The following RAD51B variants were observed in gnomAD, a reference collection of about 807,000 sequenced individuals.
The protein encoded by RAD51B is RAD51 paralog B.
A neutral mutation model predicts 42.2 loss-of-function variants in RAD51B; 38 were observed. The observed-to-expected ratio is 0.90, with a 90% CI of 0.70 to 1.18. RAD51B has a LOEUF of 1.18. Ranked by LOEUF, RAD51B falls within the 50% of genes most tolerant of loss-of-function variation. RAD51B has a pLI of 0.00. For missense variants in RAD51B, 373 were observed against 400.7 expected (o/e 0.93, Z 0.59); for synonymous variants, 154 against 145.2 (o/e 1.06, Z -0.43).
chr14:68,562,203 C>T, intron 10 of RAD51B: 1 of 985,428 alleles, frequency 1.0e-6, no homozygotes, highest in African/African-American at 1.7e-5. Context: ...AGTGACCCTG[C>T]CTCACCAGAC....
At chr14:68,674,308 C>T (rs1893259423) in intron 11 of RAD51B, among the ~76,000 whole-genome samples, 1 of 152,034 alleles carries the variant, frequency 6.6e-6, no homozygotes, top group South Asian at 2.1e-4. Flanking sequence ...ACGTGTTTTC[C>T]TCCTAATTAC....
At chr14:68,162,512 G>C (rs533942140) in intron 7 of RAD51B, among the ~76,000 whole-genome samples, 1 of 152,188 alleles carries the variant, frequency 6.6e-6, no homozygotes, top group African/African-American at 2.4e-5. Context: ...GCTGCCGGGC[G>C]TAGTGGCTCA....
At chr14:67,888,659 A>C (rs1171525886) in intron 7 of RAD51B, among the ~76,000 whole-genome samples, 1 of 152,160 alleles carries the variant, frequency 6.6e-6, no homozygotes, top group Non-Finnish European at 1.5e-5. Flanking sequence ...ACATGTACAG[A>C]CTTTTTTCTT....
At chr14:67,940,035 T>C (rs773230311) in intron 7 of RAD51B, among the ~76,000 whole-genome samples, 5,504 of 20,066 alleles carry the variant, frequency 0.27, 379 homozygotes, top group Non-Finnish European at 0.39. Flanking sequence ...TATATATATA[T>C]ATATATATAT....
intron 4 of RAD51B, among the ~76,000 whole-genome samples, chr14:67,836,487 C>CTTTT (rs61525158): frequency 1.4e-5 from 2 of 141,572 alleles, no homozygotes; most frequent in East Asian, 2.0e-4. Flanking sequence ...AAATTAGCCT[C>CTTTT]TTTTTTTTTT....
chr14:68,422,002 A>G (rs190064036), intron 9 of RAD51B: 143 of 1,525,528 alleles, frequency 9.4e-5, no homozygotes, highest in Middle Eastern at 3.4e-4. Flanking sequence ...CTTCACAGTC[A>G]CCACCCTGAC....
intron 2 of RAD51B, 101 bp downstream of exon 2, chr14:67,823,728 A>G (rs2040714281): frequency 3.4e-6 from 3 of 870,010 alleles, no homozygotes; most frequent in Non-Finnish European, 5.1e-6. Flanking sequence ...AGGCTTACAA[A>G]AAAAAGATAA....
intron 10 of RAD51B, among the ~76,000 whole-genome samples, chr14:68,626,998 T>G (rs2140119569): frequency 6.6e-6 from 1 of 152,290 alleles, no homozygotes; most frequent in Non-Finnish European, 1.5e-5. Flanking sequence ...AGGTACTTCT[T>G]CAAGTCCCAC....
chr14:68,405,342 G>C (rs565817545), intron 8 of RAD51B, among the ~76,000 whole-genome samples: 3 of 152,284 alleles, frequency 2.0e-5, no homozygotes, highest in African/African-American at 7.2e-5. Context: ...TACTCGGTAG[G>C]CTGAGGTGGG....
intron 7 of RAD51B, among the ~76,000 whole-genome samples, chr14:68,120,409 G>A (rs115368542): frequency 6.6e-6 from 1 of 152,058 alleles, no homozygotes; most frequent in Non-Finnish European, 1.5e-5. Flanking sequence ...AGTGGTTTAA[G>A]TTTCTAGCCC....
At chr14:68,304,349 G>A (rs925726131) in intron 8 of RAD51B, among the ~76,000 whole-genome samples, 14 of 152,154 alleles carry the variant, frequency 9.2e-5, no homozygotes, top group African/African-American at 3.1e-4. Context: ...ACTGAAGTAC[G>A]AAGTATTTCC....
chr14:67,833,086 G>A (rs1218730129), intron 3 of RAD51B, among the ~76,000 whole-genome samples: 2 of 152,090 alleles, frequency 1.3e-5, no homozygotes, highest in Non-Finnish European at 2.9e-5. Flanking sequence ...TAAGAAAGGA[G>A]AATTTCGGGC....
intron 8 of RAD51B, among the ~76,000 whole-genome samples, chr14:68,380,111 C>A (rs1442598361): frequency 6.6e-6 from 1 of 152,158 alleles, no homozygotes; most frequent in African/African-American, 2.4e-5. Context: ...TCTTAAATTG[C>A]CTCTTTCTCA....
chr14:68,218,729 AT>A (rs2079864896), intron 7 of RAD51B, among the ~76,000 whole-genome samples: 1 of 152,250 alleles, frequency 6.6e-6, no homozygotes, highest in South Asian at 2.1e-4. Flanking sequence ...TGTTGAAAAA[AT>A]AGGCAACTAA....
chr14:68,084,020 C>A (rs953917726), intron 7 of RAD51B, among the ~76,000 whole-genome samples: 1 of 152,008 alleles, frequency 6.6e-6, no homozygotes, highest in East Asian at 1.9e-4. Context: ...TGAGTGTGTA[C>A]GTGTGTGCAT....
chr14:68,438,974 A>C (rs1299136344), intron 9 of RAD51B, among the ~76,000 whole-genome samples: 2 of 152,162 alleles, frequency 1.3e-5, no homozygotes, highest in African/African-American at 4.8e-5. Context: ...TTCGTGGATC[A>C]TGCCAGTCAG....
intron 10 of RAD51B, among the ~76,000 whole-genome samples, chr14:68,524,235 T>C (rs1886779982): frequency 6.6e-6 from 1 of 152,296 alleles, no homozygotes; most frequent in African/African-American, 2.4e-5. Flanking sequence ...AGAGCTGCTG[T>C]CACGATCCTC....
intron 7 of RAD51B, among the ~76,000 whole-genome samples, chr14:67,942,732 T>A (rs1205997115): frequency 6.6e-6 from 1 of 152,154 alleles, no homozygotes. Flanking sequence ...TATAGTTTCA[T>A]GAAAGGAAGA....
intron 9 of RAD51B, among the ~76,000 whole-genome samples, chr14:68,423,799 CT>C (rs1238892939): frequency 6.6e-6 from 1 of 152,162 alleles, no homozygotes; most frequent in Non-Finnish European, 1.5e-5. Flanking sequence ...TTTGAGAGAG[CT>C]TTTTCGATCT....
Sources: gnomAD v4.1 joint callset for allele counts (sites outside exome capture counted in the v4.1 genomes callset) on GRCh38, gnomAD v4.1.1 for gene constraint, MANE v1.5 for transcripts, NCBI Gene and HGNC (gene_info 2026-07-23, HGNC 2026-07-21) for gene names.